Variants in SMIM14 observed in about 807,000 individuals in gnomAD.
SMIM14 encodes chromosome 4 open reading frame 34.
A neutral mutation model predicts 12.6 loss-of-function variants in SMIM14; 5 were observed. The ratio of observed to expected loss-of-function variants is 0.40; its 90% CI spans 0.21 to 0.83. SMIM14 has a LOEUF of 0.83. Among genes scored for constraint, SMIM14 ranks in the 40% least tolerant of loss-of-function variants. The probability of loss-of-function intolerance (pLI) is 0.37; values close to 1 mark genes in which losing one functional copy is unlikely to be tolerated. For synonymous variants in SMIM14, 30 were observed against 40.1 expected, an observed-to-expected ratio of 0.75 and a Z score of 0.95; for missense variants, 86 against 119.1, an observed-to-expected ratio of 0.72 and a Z score of 1.29.
At chr4:39,602,455 C>T (rs1344623429) in intron 2 of SMIM14, among the ~76,000 whole-genome samples, 3 of 151,872 alleles carry the variant, frequency 2.0e-5, no homozygotes, top group African/African-American at 4.8e-5. Context: ...AGTAGCTGGG[C>T]GTGGTGGCAG....
intron 2 of SMIM14, among the ~76,000 whole-genome samples, chr4:39,574,291 T>A (rs1446186046): frequency 6.6e-6 from 1 of 150,808 alleles, no homozygotes; most frequent in Non-Finnish European, 1.5e-5. Flanking sequence ...TCTCGCTCTG[T>A]CGCCCAGGCT....
At chr4:39,565,147 G>A (rs1712508717) in intron 3 of SMIM14, among the ~76,000 whole-genome samples, 1 of 152,146 alleles carries the variant, frequency 6.6e-6, no homozygotes, top group Non-Finnish European at 1.5e-5. Flanking sequence ...GAGCCCAAGG[G>A]GTTGAGGTTG....
intron 2 of SMIM14, among the ~76,000 whole-genome samples, 190 bp downstream of exon 2, chr4:39,604,881 G>A (rs1032165964): frequency 6.6e-6 from 1 of 152,144 alleles, no homozygotes; most frequent in Non-Finnish European, 1.5e-5. Context: ...AAAGTGCTGG[G>A]ATTACAGGTG....
rs998743837 is a variant in SMIM14, at chr4:39,550,751, T to G, written c.*1375A>C. 2.6e-5 allele frequency: 4 copies of G among 152,188 alleles called. No individual in the cohort carries two copies. The highest frequency in any genetic ancestry group is 7.2e-5 in the African/African-American group (3 of 41,438). 9.4% of individuals were successfully genotyped at this position (152,188 alleles called of 1,614,324 possible). On this transcript the variant is annotated 3_prime_UTR_variant, in exon 5 of 5. Transcript: ENST00000295958. ...AATGAGATAAGGAGTGAAAAAAAGA[T>G]GTATGTTTCTCATTTTCCTTCTTTT...
intron 2 of SMIM14, among the ~76,000 whole-genome samples, chr4:39,600,437 C>A (rs542627665): frequency 9.8e-4 from 149 of 152,202 alleles, no homozygotes; most frequent in African/African-American, 3.4e-3. Flanking sequence ...AACCTGTAAT[C>A]CCAGCACTTT....
At chr4:39,636,900 T>C (rs1249818686) in intron 1 of SMIM14, among the ~76,000 whole-genome samples, 1 of 152,206 alleles carries the variant, frequency 6.6e-6, no homozygotes, top group Non-Finnish European at 1.5e-5. Context: ...TCTGAAAATA[T>C]GATTGTATTT....
rs1448837308 is a variant in SMIM14 at position 39,548,457 on chromosome 4, G to T, written c.*3669C>A. The T allele has an allele frequency of 6.6e-6, 1 of 151,900 alleles. No homozygotes were observed. Among genetic ancestry groups the T allele is most frequent in the Admixed American group, 6.6e-5 (1 of 15,258 alleles). The allele number at this position is 151,900 out of a possible 1,614,324, so 9.4% of individuals were successfully genotyped here. A position where few individuals can be genotyped will look rare whatever the true frequency, so the allele number is the denominator to read the frequency against. On this transcript the variant is annotated 3_prime_UTR_variant, in exon 5 of 5. Transcript: ENST00000295958. ...AGTTCTTGCCTCAGCCTCCCAAATTGCTGGGATTACAGGCATGAGCCACCA... is the reference window on the plus strand; with the variant it reads ...AGTTCTTGCCTCAGCCTCCCAAATTTCTGGGATTACAGGCATGAGCCACCA...
intron 1 of SMIM14, among the ~76,000 whole-genome samples, chr4:39,620,697 C>T (rs978010743): frequency 5.3e-5 from 8 of 152,064 alleles, no homozygotes; most frequent in African/African-American, 1.4e-4. Flanking sequence ...GTAATGAAAA[C>T]GATATTTTAC....
intron 2 of SMIM14, among the ~76,000 whole-genome samples, chr4:39,601,190 C>G (rs1213739511): frequency 6.6e-6 from 1 of 152,118 alleles, no homozygotes; most frequent in Non-Finnish European, 1.5e-5. Context: ...TAGGCAAAAA[C>G]TAAACCACAG....
chr4:39,583,097 G>T (rs1560292476), intron 2 of SMIM14, among the ~76,000 whole-genome samples: 1 of 151,712 alleles, frequency 6.6e-6, no homozygotes, highest in East Asian at 1.9e-4. Context: ...CAGCCGTTTT[G>T]TTTTTTTAAG....
chr4:39,585,704 G>A (rs1484764020), intron 2 of SMIM14, among the ~76,000 whole-genome samples: 2 of 151,858 alleles, frequency 1.3e-5, no homozygotes, highest in African/African-American at 2.4e-5. Flanking sequence ...GAAGATGTAC[G>A]AAGTGGGAAA....
intron 1 of SMIM14, chr4:39,638,378 G>A (rs1169863166): frequency 1.3e-6 from 1 of 789,234 alleles, no homozygotes; most frequent in Non-Finnish European, 1.5e-6. Context: ...CAGGATTTGT[G>A]AGTTTTTCCT....
At chr4:39,556,337 T>G (rs1712012751) in intron 4 of SMIM14, 91 bp downstream of exon 4, 2 of 1,174,070 alleles carry the variant, frequency 1.7e-6, no homozygotes, top group Admixed American at 4.9e-5. Context: ...ATTTAACTAA[T>G]TTAGGTGTTT....
intron 3 of SMIM14, among the ~76,000 whole-genome samples, chr4:39,569,785 C>G (rs1196000341): frequency 6.6e-6 from 1 of 152,044 alleles, no homozygotes; most frequent in Non-Finnish European, 1.5e-5. Flanking sequence ...GAGCTGTAGG[C>G]AATTAGGAAG....
chr4:39,562,129 T>C (rs1712339527), intron 3 of SMIM14, among the ~76,000 whole-genome samples: 1 of 151,754 alleles, frequency 6.6e-6, no homozygotes, highest in Non-Finnish European at 1.5e-5. Flanking sequence ...ATCTCAGCAC[T>C]CTAGGAGGCC....
chr4:39,621,686 CTTTTTTT>C (rs57206633), intron 1 of SMIM14, among the ~76,000 whole-genome samples: 90 of 105,436 alleles, frequency 8.5e-4, no homozygotes, highest in African/African-American at 2.7e-3. Context: ...CCAAACGTTT[CTTTTTTT>C]TTTTTTTTTT....
intron 2 of SMIM14, among the ~76,000 whole-genome samples, chr4:39,597,438 ATTTTTTTTTT>A (rs869157163): frequency 2.7e-4 from 32 of 116,564 alleles, no homozygotes; most frequent in African/African-American, 7.8e-4. Context: ...CACTGGTGGT[ATTTTTTTTTT>A]TTTTTTTTTT....
intron 1 of SMIM14, among the ~76,000 whole-genome samples, chr4:39,619,877 T>TATA (rs1553866681): frequency 0.2 from 15,923 of 79,844 alleles, 1,553 homozygotes; most frequent in East Asian, 0.38. Flanking sequence ...TATATATATA[T>TATA]TTTTTTTTTT....
rs538041145 is a variant in SMIM14 at position 39,556,163 on chromosome 4, A to G, written c.267+265T>C. 5.8e-3 allele frequency among the ~76,000 whole-genome samples: 665 copies of G among 114,808 alleles called. 3 individuals are homozygous for G. The highest frequency in any genetic ancestry group is 0.032 in the African/African-American group (615 of 19,170). The allele number at this position is 114,808 out of a possible 152,430, so 75.3% of individuals were successfully genotyped here. On this transcript the variant is annotated intron_variant, in intron 4 of 4. Transcript: ENST00000295958. Reference sequence around the variant, plus strand: ...GGGCGGCACAGCAAGACCCTGTCTGAAAAAAAAAAAAAAGGATTGGAATTC... The same window carrying G: ...GGGCGGCACAGCAAGACCCTGTCTGGAAAAAAAAAAAAAGGATTGGAATTC...
Sources: allele counts gnomAD v4.1 joint callset (sites outside exome capture counted in the v4.1 genomes callset), GRCh38; gene constraint gnomAD v4.1.1; transcripts MANE v1.5; gene names NCBI Gene and HGNC (gene_info 2026-07-23, HGNC 2026-07-21).